GOPC: variants seen among roughly 807,000 people sequenced by gnomAD.
GOPC encodes the protein golgi associated PDZ and coiled-coil motif containing, also known as Golgi-associated PDZ and coiled-coil motif-containing protein.
A neutral mutation model predicts 51.2 loss-of-function variants in GOPC; 32 were observed. The ratio of observed to expected loss-of-function variants is 0.63; its 90% confidence interval spans 0.47 to 0.84. The LOEUF (loss-of-function observed/expected upper bound fraction) is 0.84, where lower values mean the gene tolerates loss of function less well. Among genes scored for constraint, GOPC ranks in the 40% least tolerant of loss-of-function variants. The probability of loss-of-function intolerance (pLI) is 0.00; values close to 1 mark genes in which losing one functional copy is unlikely to be tolerated. For synonymous variants in GOPC, 190 were observed against 205.1 expected (o/e 0.93, Z 0.63); for missense variants, 441 against 555.5 (o/e 0.79, Z 2.07).
At chr6:117,579,123 T>A in intron 1 of GOPC, 59 bp from the exon 2 acceptor site, 1 of 1,340,084 alleles carries the variant, frequency 7.5e-7, no homozygotes, top group Non-Finnish European at 1.0e-6. Context: ...TTTTGACTAA[T>A]AATTGTTATT....
At chr6:117,574,864 A>G (rs560203870) in intron 4 of GOPC, among the ~76,000 whole-genome samples, 33 of 152,174 alleles carry the variant, frequency 2.2e-4, no homozygotes, top group Middle Eastern at 6.3e-3. Context: ...ATGGATCACA[A>G]GGTCAGGAGT....
At chr6:117,580,185 G>A (rs555920871) in intron 1 of GOPC, among the ~76,000 whole-genome samples, 2 of 152,192 alleles carry the variant, frequency 1.3e-5, no homozygotes, top group African/African-American at 2.4e-5. Context: ...AGCATAGATA[G>A]GGATCAGATA....
intron 5 of GOPC, among the ~76,000 whole-genome samples, chr6:117,571,896 A>G (rs1462505150): frequency 1.3e-5 from 2 of 152,118 alleles, no homozygotes; most frequent in African/African-American, 4.8e-5. Flanking sequence ...TGACAGCTCC[A>G]TCCCAGGCTC....
chr6:117,575,673 T>C, intron 3 of GOPC: 1 of 411,794 alleles, frequency 2.4e-6, no homozygotes, highest in South Asian at 2.3e-5. Flanking sequence ...TAAAACCCTT[T>C]TGAGAGTTAA....
chr6:117,589,955 T>C (rs776550304), intron 1 of GOPC, among the ~76,000 whole-genome samples: 6 of 152,170 alleles, frequency 3.9e-5, no homozygotes, highest in Non-Finnish European at 7.3e-5. Flanking sequence ...TAAGATACCA[T>C]GAAATATTAA....
At chr6:117,578,835 T>C (rs118169360) in intron 2 of GOPC, 65 bp downstream of exon 2, 145 of 1,065,960 alleles carry the variant, frequency 1.4e-4, no homozygotes, top group Non-Finnish European at 1.8e-4. Flanking sequence ...AAAAGTCTCA[T>C]TCAAAATTGT....
chr6:117,581,464 GAA>G (rs35581241), intron 1 of GOPC, among the ~76,000 whole-genome samples: 98,041 of 145,896 alleles, frequency 0.67, 32,843 homozygotes, highest in South Asian at 0.81. Flanking sequence ...CTCAGATCTT[GAA>G]AAAAAAAAAA....
At chr6:117,569,791 G>T in intron 6 of GOPC, 55 bp from the exon 7 acceptor site, 1 of 1,462,574 alleles carries the variant, frequency 6.8e-7, no homozygotes, top group Non-Finnish European at 9.1e-7. Flanking sequence ...TACAGTTACC[G>T]ATTAATCTAG....
chr6:117,577,362 A>G, intron 3 of GOPC, 86 bp downstream of exon 3: 1 of 1,230,512 alleles, frequency 8.1e-7, no homozygotes, highest in Non-Finnish European at 1.2e-6. Flanking sequence ...TTCAAATACA[A>G]TGAGTGACAA....
intron 1 of GOPC, 132 bp from the exon 2 acceptor site, chr6:117,579,196 C>G: frequency 1.5e-6 from 1 of 673,654 alleles, no homozygotes; most frequent in African/African-American, 1.9e-5. Flanking sequence ...TAATATTATC[C>G]AAGATACAAG....
At position 117,579,100 on chromosome 6, in the gene GOPC, T is replaced by C. The variant is rs1268924924; in HGVS notation, c.286-36A>G. 3 of 1,513,558 alleles carry C rather than the reference T, an allele frequency of 2.0e-6. No individual in the cohort carries two copies. The East Asian group carries it at 7.0e-5, about 35-fold the overall frequency. The allele number at this position is 1,513,558 out of a possible 1,614,324, so 93.8% of individuals were successfully genotyped here. A position where few individuals can be genotyped will look rare whatever the true frequency, so the allele number is the denominator to read the frequency against. ...AAACAATAGAAGAAATTAAGGATGCTTAATTTTCTTTCTTTTGACTAATAA... is the reference window on the plus strand; with the variant it reads ...AAACAATAGAAGAAATTAAGGATGCCTAATTTTCTTTCTTTTGACTAATAA... On this transcript the variant is annotated intron_variant, in intron 1 of 8. Transcript: ENST00000368498.
intron 1 of GOPC, among the ~76,000 whole-genome samples, chr6:117,583,126 C>T (rs1427379305): frequency 6.6e-6 from 1 of 152,126 alleles, no homozygotes; most frequent in East Asian, 1.9e-4. Context: ...ACACTCCCTC[C>T]CATGAGGGGT....
chr6:117,585,032 A>C (rs1047781667), intron 1 of GOPC, among the ~76,000 whole-genome samples: 2 of 152,166 alleles, frequency 1.3e-5, no homozygotes, highest in Non-Finnish European at 2.9e-5. Context: ...TAAAATTTTT[A>C]TAAATTATCC....
In GOPC at chr6:117,579,028, T is replaced by A; in HGVS notation, c.322A>T (p.Thr108Ser). Reference protein sequence around the residue: ...LVDLKSELTETQAEKVVLEKE... With the variant: ...LVDLKSELTESQAEKVVLEKE... ...TCCAAAACAACTTTCTCTGCTTGGGTTTCTGTCAGTTCAGATTTCAGATCC... is the reference window on the plus strand; with the variant it reads ...TCCAAAACAACTTTCTCTGCTTGGGATTCTGTCAGTTCAGATTTCAGATCC... Residue 108 changes from threonine to serine, a missense_variant, in exon 2 of 9, where the codon ACC becomes TCC. This residue lies in a region of GOPC where 204 missense variants were observed against 219.8 expected (regional missense o/e 0.93). Transcript: ENST00000368498. The A allele has an allele frequency of 6.2e-7, 1 of 1,609,142 alleles. No homozygotes were observed. The highest frequency in any genetic ancestry group is 2.2e-5 in the East Asian group (1 of 44,590).
Position 117,597,423 on chromosome 6 carries a change from T to C in GOPC, c.285+4581A>G, listed in dbSNP as rs547293444. 1.9e-3 allele frequency among the ~76,000 whole-genome samples: 294 copies of C among 152,348 alleles called. 1 individual carries two copies. The highest frequency in any genetic ancestry group is 6.4e-3 in the African/African-American group (266 of 41,586). On this transcript the variant is annotated intron_variant, in intron 1 of 8. Coordinates refer to ENST00000368498, the MANE Select transcript of GOPC (RefSeq NM_020399.4). ...TCTGGCTAGGACTTCTAGTACTACA[T>C]TGAATAGAAGTGGTGAAGGGGGGCA...
At chr6:117,596,133 A>G (rs1388722274) in intron 1 of GOPC, among the ~76,000 whole-genome samples, 1 of 151,978 alleles carries the variant, frequency 6.6e-6, no homozygotes, top group Non-Finnish European at 1.5e-5. Context: ...TTTGATTTGC[A>G]TTCCTCTGAT....
intron 6 of GOPC, 39 bp downstream of exon 6, chr6:117,570,821 A>G (rs1490836997): frequency 9.7e-6 from 9 of 923,794 alleles, no homozygotes; most frequent in Non-Finnish European, 1.5e-5. Context: ...ATTATACTAG[A>G]TAACTGTAGA....
At chr6:117,590,772 CT>C (rs923451068) in intron 1 of GOPC, among the ~76,000 whole-genome samples, 1 of 152,004 alleles carries the variant, frequency 6.6e-6, no homozygotes, top group Non-Finnish European at 1.5e-5. Context: ...ATGAAAACAC[CT>C]GACAGGTGAA....
intron 1 of GOPC, among the ~76,000 whole-genome samples, chr6:117,588,778 T>A (rs1215931690): frequency 6.7e-6 from 1 of 150,080 alleles, no homozygotes; most frequent in Non-Finnish European, 1.5e-5. Context: ...ATACTTTTTT[T>A]ATATTTTATA....
Sources: allele counts gnomAD v4.1 joint callset (sites outside exome capture counted in the v4.1 genomes callset), GRCh38; gene constraint gnomAD v4.1.1; regional missense constraint gnomAD v4.1.1; transcripts MANE v1.5; gene names NCBI Gene and HGNC (gene_info 2026-07-23, HGNC 2026-07-21).